The following ADGRE3 variants were observed in gnomAD, a reference collection of about 807,000 sequenced individuals.
The protein encoded by ADGRE3 is EGF-like module receptor 3.
Under a neutral mutation model 80.1 loss-of-function variants are expected in ADGRE3, and 88 were observed. The ratio of observed to expected loss-of-function variants is 1.10; its 90% CI spans 0.93 to 1.31. The LOEUF (loss-of-function observed/expected upper bound fraction) is 1.31, where lower values mean the gene tolerates loss of function less well. Among genes scored for constraint, ADGRE3 ranks in the 40% most tolerant of loss-of-function variants. ADGRE3 has a pLI of 0.00. For synonymous variants in ADGRE3, 281 were observed against 294.8 expected, an observed-to-expected ratio of 0.95 and a Z score of 0.48; for missense variants, 715 against 776.5, an observed-to-expected ratio of 0.92 and a Z score of 0.94.
chr19:14,642,589 C>T (rs769368325), intron 9 of ADGRE3, among the ~76,000 whole-genome samples: 5 of 152,108 alleles, frequency 3.3e-5, no homozygotes, highest in Non-Finnish European at 7.3e-5. Context: ...TCCCACTCTC[C>T]ACCCTCTTTG....
chr19:14,636,075 C>CCCTTTCTTTCTTTCTTTCTTT lies in ADGRE3; in HGVS notation c.1484+2029_1484+2030insAAAGAAAGAAAGAAAGAAAGG, dbSNP rs1555755774. On this transcript the variant is annotated intron_variant, in intron 11 of 15. Transcript: ENST00000253673. Reference sequence around the variant, plus strand: ...TTCCTTCCTTCCTTTCCTTTCCTTTCCTTTCCCTTTCTTTCTTTCTTTCTT... The same window carrying CCCTTTCTTTCTTTCTTTCTTT: ...TTCCTTCCTTCCTTTCCTTTCCTTTCCCTTTCTTTCTTTCTTTCTTTCTTTCCCTTTCTTTCTTTCTTTCTT... Among the ~76,000 whole-genome samples the CCCTTTCTTTCTTTCTTTCTTT allele has an allele frequency of 3.3e-4, 23 of 70,592 alleles. 2 individuals are homozygous for CCCTTTCTTTCTTTCTTTCTTT. The highest frequency in any genetic ancestry group is 5.4e-4 in the East Asian group (1 of 1,868). 46.3% of individuals were successfully genotyped at this position (70,592 alleles called of 152,430 possible). A position where few individuals can be genotyped will look rare whatever the true frequency, so the allele number is the denominator to read the frequency against.
rs1434860721 is a variant in ADGRE3, at chr19:14,655,077, G to C, written c.482C>G (p.Ala161Gly). The change falls in exon 6 of 16, where the codon GCT becomes GGT. Residue 161 changes from alanine (A) to glycine (G), a missense_variant. Ala to Gly is a moderately conservative substitution (Grantham distance 60, BLOSUM62 0). Transcript: ENST00000253673. ...TTCCACATCCCGGAGAATAGTGGTA[G>C]CTGTGGATGAGATTTCTTGTCTCCC... ...TEGRQEISST[A>G]TTILRDVESK... 2.5e-6 allele frequency: 4 copies of C among 1,613,830 alleles called. No individual in the cohort carries two copies. Among genetic ancestry groups the C allele is most frequent in the Non-Finnish European group, 3.4e-6 (4 of 1,179,864 alleles).
chr19:14,626,574 T>G (rs1454790081), intron 14 of ADGRE3, among the ~76,000 whole-genome samples: 1 of 152,210 alleles, frequency 6.6e-6, no homozygotes, highest in Non-Finnish European at 1.5e-5. Context: ...CCCTTCAATG[T>G]GTCTTGGTTT....
chr19:14,614,819 T>C (rs988979792), downstream of ADGRE3, among the ~76,000 whole-genome samples: 30 of 151,908 alleles, frequency 2.0e-4, no homozygotes, highest in Admixed American at 1.2e-3. Context: ...TCAAGTGATC[T>C]GCCTGCCTTA....
rs1491200007 is a variant in ADGRE3, at chr19:14,623,298, A to AAT, written c.1920+2193_1920+2194insAT. On this transcript the variant is annotated intron_variant, in intron 15 of 15. Transcript: ENST00000253673. ...GCCTAAAATACTTAAAAAAAAAAAAATAAAAAAAAAAAAAAATAAAACTCC... is the reference window on the plus strand; with the variant it reads ...GCCTAAAATACTTAAAAAAAAAAAAAATTAAAAAAAAAAAAAAATAAAACTCC... Among the ~76,000 whole-genome samples, 264 of 40,028 alleles carry AAT rather than the reference A, an allele frequency of 6.6e-3. 89 individuals are homozygous for AAT. Among genetic ancestry groups the AAT allele is most frequent in the African/African-American group, 0.031 (253 of 8,206 alleles). 26.3% of individuals were successfully genotyped at this position (40,028 alleles called of 152,430 possible). A position where few individuals can be genotyped will look rare whatever the true frequency, so the allele number is the denominator to read the frequency against.
chr19:14,625,697 T>C (rs192150092), intron 14 of ADGRE3, 98 bp from the exon 15 acceptor site: 9 of 716,798 alleles, frequency 1.3e-5, no homozygotes, highest in African/African-American at 1.1e-4. Context: ...GTATTATTAT[T>C]TATTTATTTT....
At chr19:14,661,121 T>C (rs1971935801) in intron 4 of ADGRE3, among the ~76,000 whole-genome samples, 1 of 152,016 alleles carries the variant, frequency 6.6e-6, no homozygotes, top group Non-Finnish European at 1.5e-5. Flanking sequence ...TTTGTATTTT[T>C]AGTAGAAATG....
At chr19:14,604,130 C>G in the ADGRE3 span, among the ~76,000 whole-genome samples, 4 of 152,276 alleles carry the variant, frequency 2.6e-5, no homozygotes, top group African/African-American at 7.2e-5. Context: ...AAGCCTCCAT[C>G]TAGTCTGATG....
intron 6 of ADGRE3, among the ~76,000 whole-genome samples, chr19:14,652,522 G>T (rs1222426442): frequency 6.6e-6 from 1 of 151,870 alleles, no homozygotes; most frequent in Non-Finnish European, 1.5e-5. Context: ...GCTCATGCCT[G>T]AATTCCCAGC....
the ADGRE3 span, among the ~76,000 whole-genome samples, chr19:14,609,094 C>G: frequency 6.6e-6 from 1 of 152,170 alleles, no homozygotes; most frequent in Non-Finnish European, 1.5e-5. Context: ...GCCACCGCAC[C>G]TGGCGGAACA....
At position 14,647,222 on chromosome 19, in the gene ADGRE3, A is replaced by T; in HGVS notation, c.841T>A (p.Ser281Thr). 1 of 1,614,056 alleles carries T rather than the reference A, an allele frequency of 6.2e-7. No homozygotes were observed. The highest frequency in any genetic ancestry group is 8.5e-7 in the Non-Finnish European group (1 of 1,179,994). The change falls in exon 8 of 16, where the codon TCT becomes ACT. Residue 281 changes from serine to threonine, a missense_variant. By Grantham distance (58) the Ser-to-Thr change is moderately conservative. Transcript: ENST00000253673. ...GTCAGCGTCACAGACTTGGAGAGAG[A>T]CACGTTCCTTTTGGGTCCAATAGCA... ...SAAIGPKRNV[S>T]LSKSVTLTFQ...
At chr19:14,610,915 G>A in the ADGRE3 span, 1 of 151,988 alleles carries the variant, frequency 6.6e-6, no homozygotes. Context: ...TTCCGTGATG[G>A]CCTCCCAAAG....
At chr19:14,636,003 CTCT>C in intron 11 of ADGRE3, among the ~76,000 whole-genome samples, 1 of 63,276 alleles carries the variant, frequency 1.6e-5, no homozygotes, top group African/African-American at 5.6e-5. Flanking sequence ...CTCTCTCTTT[CTCT>C]TTCTTTCTTC....
intron 15 of ADGRE3, 92 bp downstream of exon 15, chr19:14,625,400 C>A (rs533362515): frequency 2.3e-6 from 2 of 873,306 alleles, no homozygotes; most frequent in Admixed American, 2.2e-5. Flanking sequence ...AAAACAAAAA[C>A]AAACAAACAA....
At chr19:14,658,283 GT>G (rs1416047454) in intron 5 of ADGRE3, among the ~76,000 whole-genome samples, 1 of 150,200 alleles carries the variant, frequency 6.7e-6, no homozygotes, top group Non-Finnish European at 1.5e-5. Context: ...ATATATAATT[GT>G]ATATAATATA....
intron 15 of ADGRE3, among the ~76,000 whole-genome samples, chr19:14,625,288 G>A (rs1454891611): frequency 6.6e-6 from 1 of 152,100 alleles, no homozygotes; most frequent in Non-Finnish European, 1.5e-5. Context: ...CTAATGCTGG[G>A]CTTAATACCT....
In ADGRE3 at chr19:14,632,930, T is replaced by C; in HGVS notation, c.1634A>G (p.Gln545Arg). 6.2e-7 allele frequency: 1 copy of C among 1,609,072 alleles called. No homozygotes were observed. Among genetic ancestry groups the C allele is most frequent in the Non-Finnish European group, 8.5e-7 (1 of 1,175,420 alleles). The change falls in exon 13 of 16, where the codon CAG (glutamine) becomes CGG (arginine). Residue 545 changes from glutamine (Q) to arginine (R), a missense_variant. Physicochemically the swap from Gln to Arg is conservative, Grantham distance 43. Transcript: ENST00000253673. Reference protein sequence around the residue: ...SSLNSEVSTIQNTRMLAFKAT... With the variant: ...SSLNSEVSTIRNTRMLAFKAT... ...ATTTGTCACATCCTACCTTGTGTTC[T>C]GGATGGTTGACACTTCACTATTGAG... is the stretch of plus-strand genomic sequence containing the variant.
intron 11 of ADGRE3, among the ~76,000 whole-genome samples, chr19:14,635,709 A>G (rs4423531): frequency 0.92 from 140,149 of 152,108 alleles, 64,632 homozygotes; most frequent in South Asian, 0.94. Flanking sequence ...CACTGCGCCC[A>G]GCTTTTCCAT....
intron 10 of ADGRE3, 75 bp downstream of exon 10, chr19:14,641,344 A>C: frequency 5.8e-6 from 9 of 1,565,198 alleles, no homozygotes; most frequent in Non-Finnish European, 7.9e-6. Context: ...TTATTAAGGA[A>C]TCTAGTGCAG....
Sources: allele counts gnomAD v4.1 joint callset (sites outside exome capture counted in the v4.1 genomes callset), GRCh38; gene constraint gnomAD v4.1.1; transcripts MANE v1.5; gene names NCBI Gene and HGNC (gene_info 2026-07-23, HGNC 2026-07-21).